NPAS3: variants seen among roughly 807,000 people sequenced by gnomAD.
The protein encoded by NPAS3 is neuronal PAS domain protein 3.
A neutral mutation model predicts 73.1 loss-of-function variants in NPAS3; 14 were observed. That is an observed-to-expected ratio of 0.19 (90% CI 0.13 to 0.30). The LOEUF is 0.30. NPAS3 is among the 10% of genes least tolerant of loss of function. The pLI, the probability that NPAS3 is intolerant of heterozygous loss-of-function variation, is 1.00. For missense variants in NPAS3, 1,096 were observed against 1,250.0 expected, an observed-to-expected ratio of 0.88 and a Z score of 1.86; for synonymous variants, 620 against 541.5, an observed-to-expected ratio of 1.14 and a Z score of -2.01.
At chr14:33,313,739 G>A (rs186790829) in intron 3 of NPAS3, among the ~76,000 whole-genome samples, 32 of 152,066 alleles carry the variant, frequency 2.1e-4, no homozygotes, top group African/African-American at 6.7e-4. Flanking sequence ...CAAACTTTGG[G>A]GATTGTTACT....
At chr14:33,643,124 T>C (rs11627680) in intron 5 of NPAS3, among the ~76,000 whole-genome samples, 508 of 152,264 alleles carry the variant, frequency 3.3e-3, no homozygotes, top group Admixed American at 7.1e-3. Flanking sequence ...GACTAGGAAC[T>C]ATTTTCTTTG....
At chr14:33,250,231 A>G (rs2048532852) in intron 3 of NPAS3, among the ~76,000 whole-genome samples, 1 of 152,008 alleles carries the variant, frequency 6.6e-6, no homozygotes, top group Admixed American at 6.6e-5. Context: ...TTAATTGACA[A>G]TTTCTTGAAA....
chr14:32,983,126 A>G (rs2037965738), intron 1 of NPAS3, among the ~76,000 whole-genome samples: 1 of 152,212 alleles, frequency 6.6e-6, no homozygotes, highest in South Asian at 2.1e-4. Context: ...AAAGGTATCA[A>G]GGGGTATTTT....
downstream of NPAS3, chr14:33,802,376 TAAAAAAAAAA>T (rs71293230): frequency 2.1e-5 from 2 of 95,730 alleles, no homozygotes; most frequent in African/African-American, 4.1e-5. Flanking sequence ...GCACATTAAG[TAAAAAAAAAA>T]AAAAAGAAAA....
intron 1 of NPAS3, among the ~76,000 whole-genome samples, chr14:33,041,962 GT>G (rs2040361648): frequency 6.6e-6 from 1 of 152,086 alleles, no homozygotes; most frequent in Non-Finnish European, 1.5e-5. Flanking sequence ...ATGAGAGTTG[GT>G]TTCCTGAGAA....
intron 2 of NPAS3, among the ~76,000 whole-genome samples, chr14:33,174,654 A>G (rs1466522117): frequency 6.6e-6 from 1 of 152,196 alleles, no homozygotes; most frequent in Non-Finnish European, 1.5e-5. Context: ...CTGGTCCAGG[A>G]GTCTATTAAT....
At chr14:32,987,744 T>C (rs2038155546) in intron 1 of NPAS3, among the ~76,000 whole-genome samples, 1 of 152,224 alleles carries the variant, frequency 6.6e-6, no homozygotes, top group African/African-American at 2.4e-5. Context: ...TTTTAGACAG[T>C]ATAATTTTAT....
intron 2 of NPAS3, among the ~76,000 whole-genome samples, chr14:33,185,872 T>G (rs1342633813): frequency 6.6e-6 from 1 of 152,162 alleles, no homozygotes; most frequent in Non-Finnish European, 1.5e-5. Flanking sequence ...CCCCTACCAG[T>G]AAGCAATCCC....
intron 1 of NPAS3, among the ~76,000 whole-genome samples, chr14:32,952,383 A>G (rs1486583730): frequency 6.6e-6 from 1 of 152,134 alleles, no homozygotes; most frequent in Admixed American, 6.5e-5. Context: ...GTACTAGAAG[A>G]TGATCTGATT....
At chr14:33,231,143 C>T (rs2139772375) in intron 3 of NPAS3, among the ~76,000 whole-genome samples, 1 of 152,242 alleles carries the variant, frequency 6.6e-6, no homozygotes, top group East Asian at 1.9e-4. Context: ...GGTTACTACA[C>T]TTTGTGAAAT....
At chr14:33,156,614 A>C (rs974715313) in intron 2 of NPAS3, among the ~76,000 whole-genome samples, 8 of 152,146 alleles carry the variant, frequency 5.3e-5, no homozygotes, top group African/African-American at 1.9e-4. Flanking sequence ...CCAAACTTTA[A>C]ACTCAGCATA....
chr14:33,052,036 G>A (rs985730797), intron 1 of NPAS3, among the ~76,000 whole-genome samples: 2 of 152,170 alleles, frequency 1.3e-5, no homozygotes, highest in African/African-American at 4.8e-5. Flanking sequence ...TGGGATTACA[G>A]GTGTGAGCCA....
chr14:33,253,656 C>T lies in NPAS3; in HGVS notation c.385+38230C>T, dbSNP rs575667883. On this transcript the variant is annotated intron_variant, in intron 3 of 11. Transcript: ENST00000356141. ...TCCATGATGAGTCACCCATTATGTT[C>T]CTTAATGGACTTTATGTCCCCCATA... Among the ~76,000 whole-genome samples, 58 of 152,062 alleles carry T rather than the reference C, an allele frequency of 3.8e-4. 2 individuals are homozygous for T. The highest frequency in any genetic ancestry group is 3.4e-3 in the Middle Eastern group (1 of 294).
At chr14:33,000,780 C>G (rs191891733) in intron 1 of NPAS3, among the ~76,000 whole-genome samples, 6 of 152,214 alleles carry the variant, frequency 3.9e-5, no homozygotes, top group African/African-American at 1.4e-4. Context: ...ATTGCAAGGA[C>G]TATTGTCAGC....
At chr14:33,413,648 A>G (rs2048026544) in intron 4 of NPAS3, among the ~76,000 whole-genome samples, 1 of 152,140 alleles carries the variant, frequency 6.6e-6, no homozygotes, top group South Asian at 2.1e-4. Context: ...GTTCTTGTCT[A>G]AGGACTGGAA....
chr14:33,749,247 C>A (rs1426515931), intron 7 of NPAS3, among the ~76,000 whole-genome samples: 3 of 152,186 alleles, frequency 2.0e-5, no homozygotes, highest in African/African-American at 7.2e-5. Context: ...TATAGATTCA[C>A]CCCTCTGTTT....
At chr14:33,474,626 G>A (rs1314938017) in intron 4 of NPAS3, among the ~76,000 whole-genome samples, 2 of 152,126 alleles carry the variant, frequency 1.3e-5, no homozygotes, top group Non-Finnish European at 2.9e-5. Flanking sequence ...TGTAGAGAGA[G>A]AGAGAATGAG....
chr14:33,289,355 A>G (rs572915836), intron 3 of NPAS3, among the ~76,000 whole-genome samples: 20 of 152,186 alleles, frequency 1.3e-4, no homozygotes, highest in Non-Finnish European at 2.4e-4. Flanking sequence ...TATCACACAC[A>G]CATATAAAAT....
chr14:33,801,313 C>A, downstream of NPAS3: 1 of 1,045,598 alleles, frequency 9.6e-7, no homozygotes, highest in Non-Finnish European at 1.3e-6. Flanking sequence ...TTCAGAGGGT[C>A]AGACGACCAG....
Sources: allele counts gnomAD v4.1 joint callset (sites outside exome capture counted in the v4.1 genomes callset), GRCh38; gene constraint gnomAD v4.1.1; transcripts MANE v1.5; gene names NCBI Gene and HGNC (gene_info 2026-07-23, HGNC 2026-07-21).